Variants in SPAG16 observed in about 807,000 individuals in gnomAD.
SPAG16 encodes sperm associated antigen 16.
In SPAG16, 86 loss-of-function variants were observed where a neutral mutation model predicts 80.4. The observed-to-expected ratio is 1.07, with a 90% CI of 0.90 to 1.28. The LOEUF (loss-of-function observed/expected upper bound fraction) is 1.28. Ranked by LOEUF, SPAG16 falls within the 50% of genes most tolerant of loss-of-function variation. The pLI is 0.00. For missense variants in SPAG16, 870 were observed against 765.3 expected (o/e 1.14, Z -1.61); for synonymous variants, 294 against 265.9 (o/e 1.11, Z -1.03).
At position 214,274,443 on chromosome 2, in the gene SPAG16, G is replaced by A. The variant is rs181732103; in HGVS notation, c.1720+125177G>A. The stretch of plus-strand genomic sequence containing the variant: ...ATTGGCTGTGAGTTTGTCATAAATA[G>A]CTCTTACTATTTTGAGATATGTTCC... On this transcript the variant is annotated intron_variant, in intron 15 of 15. Transcript: ENST00000331683. 5.7e-3 allele frequency among the ~76,000 whole-genome samples: 865 copies of A among 152,234 alleles called. 4 individuals are homozygous for A. Among genetic ancestry groups the A allele is most frequent in the Non-Finnish European group, 9.2e-3 (628 of 68,024 alleles).
intron 13 of SPAG16, among the ~76,000 whole-genome samples, chr2:214,093,836 C>G (rs1436223700): frequency 2.0e-5 from 3 of 152,048 alleles, no homozygotes; most frequent in Admixed American, 6.6e-5. Flanking sequence ...AAATGGCATG[C>G]TCTGGGGTCA....
chr2:213,588,006 A>G (rs1349233264), intron 10 of SPAG16, among the ~76,000 whole-genome samples: 1 of 152,238 alleles, frequency 6.6e-6, no homozygotes, highest in Non-Finnish European at 1.5e-5. Flanking sequence ...CCTAGATTAC[A>G]ATAAGATAAA....
intron 10 of SPAG16, among the ~76,000 whole-genome samples, chr2:213,540,136 G>A (rs997993547): frequency 2.7e-5 from 4 of 148,278 alleles, no homozygotes; most frequent in African/African-American, 7.4e-5. Flanking sequence ...CCGGGTTCAC[G>A]CCATTCTCCT....
intron 11 of SPAG16, among the ~76,000 whole-genome samples, chr2:213,907,307 T>C (rs182546570): frequency 6.6e-6 from 1 of 152,202 alleles, no homozygotes; most frequent in East Asian, 1.9e-4. Context: ...CTCAGGGAAA[T>C]GCAAATCAAA....
At chr2:213,667,337 G>C (rs939868837) in intron 10 of SPAG16, among the ~76,000 whole-genome samples, 1 of 152,160 alleles carries the variant, frequency 6.6e-6, no homozygotes, top group African/African-American at 2.4e-5. Context: ...TACTCTGGGA[G>C]TCAGGAGTTC....
chr2:213,287,143 C>T (rs571270625), intron 1 of SPAG16, among the ~76,000 whole-genome samples: 2 of 152,190 alleles, frequency 1.3e-5, no homozygotes, highest in Non-Finnish European at 2.9e-5. Flanking sequence ...TATGAATCCT[C>T]TCTAGAACCC....
chr2:213,972,889 T>C (rs2045152443), intron 12 of SPAG16, among the ~76,000 whole-genome samples: 1 of 152,230 alleles, frequency 6.6e-6, no homozygotes, highest in Non-Finnish European at 1.5e-5. Flanking sequence ...TTCACTCTTC[T>C]GATGGCATCT....
intron 10 of SPAG16, among the ~76,000 whole-genome samples, chr2:213,750,481 T>C (rs1396228881): frequency 6.6e-6 from 1 of 152,224 alleles, no homozygotes; most frequent in Non-Finnish European, 1.5e-5. Context: ...AAAATAATAT[T>C]TTATTACAAT....
intron 10 of SPAG16, among the ~76,000 whole-genome samples, chr2:213,784,627 A>T (rs1352232919): frequency 4.9e-4 from 5 of 10,222 alleles, no homozygotes; most frequent in Non-Finnish European, 3.2e-3. Flanking sequence ...AATTATTTCT[A>T]AAAAAAAAAA....
At chr2:213,354,987 A>T (rs982873339) in intron 7 of SPAG16, among the ~76,000 whole-genome samples, 8 of 152,108 alleles carry the variant, frequency 5.3e-5, no homozygotes, top group Non-Finnish European at 1.2e-4. Context: ...TAGGGTTTTT[A>T]TGGTTTTAGG....
chr2:213,876,304 C>CAA (rs71063792), intron 11 of SPAG16, among the ~76,000 whole-genome samples: 44 of 80,194 alleles, frequency 5.5e-4, no homozygotes, highest in African/African-American at 1.5e-3. Context: ...AACTTTGAAC[C>CAA]AAAAAAAAAA....
At chr2:213,307,759 A>C (rs2063011638) in intron 3 of SPAG16, among the ~76,000 whole-genome samples, 1 of 152,072 alleles carries the variant, frequency 6.6e-6, no homozygotes, top group Non-Finnish European at 1.5e-5. Context: ...AGGAATCGCC[A>C]CACTGACTTC....
At chr2:213,626,641 A>AGTT (rs1213389671) in intron 10 of SPAG16, among the ~76,000 whole-genome samples, 9 of 98,978 alleles carry the variant, frequency 9.1e-5, no homozygotes, top group African/African-American at 3.5e-4. Context: ...ATCGGGCTCA[A>AGTT]TTTTTTTTTT....
intron 12 of SPAG16, among the ~76,000 whole-genome samples, chr2:214,007,108 G>A (rs546210654): frequency 1.3e-5 from 2 of 152,116 alleles, no homozygotes; most frequent in African/African-American, 4.8e-5. Context: ...AATTCTCTGT[G>A]TATATACATT....
At chr2:213,610,120 C>A in intron 10 of SPAG16, among the ~76,000 whole-genome samples, 1 of 151,886 alleles carries the variant, frequency 6.6e-6, no homozygotes, top group East Asian at 1.9e-4. Flanking sequence ...TTTTCCCTTT[C>A]TTCCCTATAT....
chr2:213,991,300 G>T (rs2046269096), intron 12 of SPAG16, among the ~76,000 whole-genome samples: 1 of 152,056 alleles, frequency 6.6e-6, no homozygotes, highest in African/African-American at 2.4e-5. Flanking sequence ...ATGGTTTCCA[G>T]CTTCATCCAC....
intron 11 of SPAG16, among the ~76,000 whole-genome samples, chr2:213,878,297 A>G (rs954495705): frequency 2.0e-5 from 3 of 152,098 alleles, no homozygotes; most frequent in Non-Finnish European, 4.4e-5. Flanking sequence ...ATTCCCACCA[A>G]TAGTGTATAA....
intron 10 of SPAG16, among the ~76,000 whole-genome samples, chr2:213,554,069 C>A (rs1055464041): frequency 1.3e-5 from 2 of 152,158 alleles, no homozygotes; most frequent in Admixed American, 6.5e-5. Context: ...ACCAGTACCA[C>A]CACCACTACA....
chr2:213,909,379 T>A (rs2077563424), intron 11 of SPAG16, among the ~76,000 whole-genome samples: 1 of 152,128 alleles, frequency 6.6e-6, no homozygotes, highest in East Asian at 1.9e-4. Context: ...AAAACTACTT[T>A]AAAGTTCATA....
Sources: gnomAD v4.1 joint callset for allele counts (sites outside exome capture counted in the v4.1 genomes callset) on GRCh38, gnomAD v4.1.1 for gene constraint, MANE v1.5 for transcripts, NCBI Gene and HGNC (gene_info 2026-07-23, HGNC 2026-07-21) for gene names.